Variants in CRADD observed in about 807,000 individuals in gnomAD.
CRADD encodes CARD and death domain containing adaptor protein, also known as death domain-containing protein CRADD.
Under a neutral mutation model 15.5 loss-of-function variants are expected in CRADD, and 9 were observed. That is an observed-to-expected ratio of 0.58 (90% CI 0.35 to 1.01). The LOEUF (loss-of-function observed/expected upper bound fraction) is 1.01, where lower values mean the gene tolerates loss of function less well. CRADD is among the 50% of genes least tolerant of loss of function. CRADD has a pLI of 0.02. For synonymous variants in CRADD, 118 were observed against 107.6 expected (o/e 1.10, Z -0.60); for missense variants, 227 against 250.3 (o/e 0.91, Z 0.63).
chr12:93,716,643 A>G (rs942121792), intron 2 of CRADD, among the ~76,000 whole-genome samples: 1 of 152,206 alleles, frequency 6.6e-6, no homozygotes, highest in African/African-American at 2.4e-5. Flanking sequence ...TGGCCTTTGC[A>G]GATTGGCTTC....
intron 2 of CRADD, among the ~76,000 whole-genome samples, chr12:93,737,336 T>C (rs1331612794): frequency 6.6e-6 from 1 of 152,240 alleles, no homozygotes; most frequent in Non-Finnish European, 1.5e-5. Flanking sequence ...TCACATCTGC[T>C]AAAGATAGCT....
chr12:93,692,975 A>C (rs565821585), intron 2 of CRADD, among the ~76,000 whole-genome samples: 16 of 152,312 alleles, frequency 1.1e-4, no homozygotes, highest in African/African-American at 3.8e-4. Context: ...GGTGGAGTAA[A>C]GTGTAGAATT....
chr12:93,781,864 C>T (rs970237914), intron 2 of CRADD, among the ~76,000 whole-genome samples: 17 of 152,110 alleles, frequency 1.1e-4, no homozygotes, highest in African/African-American at 1.7e-4. Context: ...ATAAATGCTA[C>T]GAGAAAAAAG....
intron 2 of CRADD, among the ~76,000 whole-genome samples, chr12:93,861,461 CTAAT>C (rs1307690318): frequency 1.3e-5 from 2 of 152,222 alleles, no homozygotes; most frequent in Non-Finnish European, 2.9e-5. Context: ...GAAGCTCCAG[CTAAT>C]GGCCTTTGGC....
chr12:93,869,264 T>C (rs992018915), intron 2 of CRADD, among the ~76,000 whole-genome samples: 2 of 152,180 alleles, frequency 1.3e-5, no homozygotes, highest in Admixed American at 1.3e-4. Context: ...GGATTAAGGT[T>C]ATCCACAAGA....
At chr12:93,734,841 T>C (rs945227429) in intron 2 of CRADD, among the ~76,000 whole-genome samples, 1 of 152,180 alleles carries the variant, frequency 6.6e-6, no homozygotes, top group Non-Finnish European at 1.5e-5. Flanking sequence ...CTTCCCCCTA[T>C]CTTCACCAAG....
intron 2 of CRADD, among the ~76,000 whole-genome samples, chr12:93,835,540 G>T (rs549462537): frequency 2.0e-5 from 3 of 152,022 alleles, no homozygotes; most frequent in Non-Finnish European, 4.4e-5. Flanking sequence ...TTTGGCCTGG[G>T]TTCTCTACTT....
Position 93,850,026 on chromosome 12 carries a change from C to G in CRADD, c.355C>G (p.Gln119Glu). Reference sequence around the variant, plus strand: ...CCTCAACAGCTCCCCATCAGACCGGCAGATTAACCAGCTGGCCCAGAGGCT... The same window carrying G: ...CCTCAACAGCTCCCCATCAGACCGGGAGATTAACCAGCTGGCCCAGAGGCT... The part of the protein sequence containing the change: ...HILNSSPSDR[Q>E]INQLAQRLGP... The change falls in exon 3 of 3, where the codon CAG becomes GAG. Residue 119 changes from glutamine to glutamate, a missense_variant. Gln to Glu is a conservative substitution (Grantham distance 29). Coordinates refer to ENST00000332896, the MANE Select transcript of CRADD (RefSeq NM_003805.5). This position sits in a 1 kb window ranked among gnomAD's most constrained non-coding sequence, Gnocchi z 4.0. The G allele has an allele frequency of 6.2e-7, 1 of 1,611,226 alleles. No individual in the cohort carries two copies. Among genetic ancestry groups the G allele is most frequent in the Non-Finnish European group, 8.5e-7 (1 of 1,177,352 alleles).
intron 2 of CRADD, among the ~76,000 whole-genome samples, chr12:93,761,430 G>A (rs1956960712): frequency 6.6e-6 from 1 of 152,180 alleles, no homozygotes; most frequent in Non-Finnish European, 1.5e-5. Context: ...ACTGGGAGAA[G>A]TGGTCACTTT....
chr12:93,790,462 GATA>G (rs1023805829), intron 2 of CRADD, among the ~76,000 whole-genome samples: 3 of 148,352 alleles, frequency 2.0e-5, no homozygotes, highest in African/African-American at 7.5e-5. Flanking sequence ...AAAGTATTAT[GATA>G]ATAATAAAAA....
At chr12:93,851,005 C>G (rs577465965), downstream of CRADD, among the ~76,000 whole-genome samples, 4 of 152,138 alleles carry the variant, frequency 2.6e-5, no homozygotes, top group Admixed American at 2.6e-4. Flanking sequence ...TTTAAAAGAT[C>G]GCTCGAGAAA....
rs370674724 is a variant in CRADD, at chr12:93,772,882, C to A, written c.299-77088C>A. On this transcript the variant is annotated intron_variant, in intron 2 of 2. Coordinates refer to ENST00000332896, the MANE Select transcript of CRADD (RefSeq NM_003805.5). ...TGTATTTATGTAGGAGCGGCACCTG[C>A]AGGAACTGTTTGCAACTGGGAAGGG... 4.5e-3 allele frequency among the ~76,000 whole-genome samples: 685 copies of A among 152,230 alleles called. 15 individuals are homozygous for A. In the South Asian group the frequency reaches 0.056, roughly 12 times the overall value.
chr12:93,759,079 G>A (rs1297499177), intron 2 of CRADD, among the ~76,000 whole-genome samples: 1 of 152,138 alleles, frequency 6.6e-6, no homozygotes, highest in African/African-American at 2.4e-5. Flanking sequence ...AGTGTAGAAT[G>A]TTTTATTACT....
chr12:93,680,361 T>C (rs1541985), intron 2 of CRADD, among the ~76,000 whole-genome samples: 2 of 152,134 alleles, frequency 1.3e-5, no homozygotes, highest in Admixed American at 6.5e-5. Flanking sequence ...AAATGAATAC[T>C]GATAATAAGA....
intron 2 of CRADD, among the ~76,000 whole-genome samples, chr12:93,776,171 A>G (rs527537675): frequency 6.6e-6 from 1 of 152,250 alleles, no homozygotes; most frequent in South Asian, 2.1e-4. Flanking sequence ...ATATAGTTCT[A>G]CTTTATTTTA....
downstream of CRADD, among the ~76,000 whole-genome samples, chr12:93,855,532 C>T (rs561959028): frequency 2.6e-5 from 4 of 152,324 alleles, no homozygotes; most frequent in African/African-American, 9.6e-5. Context: ...GCCTGAGTAT[C>T]GAGTCTATGG....
intron 1 of CRADD, 67 bp from the exon 2 acceptor site, chr12:93,678,702 A>G: frequency 6.6e-7 from 1 of 1,518,978 alleles, no homozygotes; most frequent in Non-Finnish European, 8.9e-7. Context: ...CTTACATTGC[A>G]GTGACACTGT....
At chr12:93,883,700 G>A (rs1412075811) in intron 2 of CRADD, among the ~76,000 whole-genome samples, 1 of 152,130 alleles carries the variant, frequency 6.6e-6, no homozygotes, top group Non-Finnish European at 1.5e-5. Flanking sequence ...TGGCATGGTG[G>A]CACATGCCTG....
intron 2 of CRADD, among the ~76,000 whole-genome samples, chr12:93,760,794 C>A (rs529555273): frequency 6.6e-6 from 1 of 152,058 alleles, no homozygotes; most frequent in Non-Finnish European, 1.5e-5. Context: ...TCAGGTGCCT[C>A]CACAGTTCTC....
Sources: allele counts gnomAD v4.1 joint callset (sites outside exome capture counted in the v4.1 genomes callset), GRCh38; gene constraint gnomAD v4.1.1; non-coding constraint Gnocchi (gnomAD v3.1); transcripts MANE v1.5; gene names NCBI Gene and HGNC (gene_info 2026-07-23, HGNC 2026-07-21).